LAMA1: variants seen among roughly 807,000 people sequenced by gnomAD.
The protein encoded by LAMA1 is laminin subunit alpha-1.
In LAMA1, 219 loss-of-function variants were observed where a neutral mutation model predicts 348.7. The ratio of observed to expected loss-of-function variants is 0.63; its 90% confidence interval spans 0.56 to 0.70. The LOEUF is 0.70. Among genes scored for constraint, LAMA1 ranks in the 30% least tolerant of loss-of-function variants. LAMA1 has a pLI of 0.00. For synonymous variants in LAMA1, 1,487 were observed against 1,491.0 expected, an observed-to-expected ratio of 1.00 and a Z score of 0.06; for missense variants, 3,744 against 3,888.0, an observed-to-expected ratio of 0.96 and a Z score of 0.99.
At chr18:7,078,064 C>CAAAA (rs1293065808) in intron 3 of LAMA1, among the ~76,000 whole-genome samples, 22 of 54,822 alleles carry the variant, frequency 4.0e-4, no homozygotes, top group African/African-American at 1.2e-3. Flanking sequence ...AACTCCGTCT[C>CAAAA]AAAAAAAAAA....
intron 1 of LAMA1, among the ~76,000 whole-genome samples, chr18:7,106,983 G>A (rs547305671): frequency 2.0e-5 from 3 of 151,950 alleles, no homozygotes; most frequent in East Asian, 2.0e-4. Context: ...CTCCTCCCCC[G>A]CTTTCCTCGA....
At chr18:7,110,152 G>C (rs996589612) in intron 1 of LAMA1, among the ~76,000 whole-genome samples, 1 of 151,634 alleles carries the variant, frequency 6.6e-6, no homozygotes, top group Non-Finnish European at 1.5e-5. Context: ...CTGCACTCCA[G>C]CCTGGGTGAC....
Position 6,942,798 on chromosome 18 carries a change from C to A in LAMA1, c.9067+382G>T, listed in dbSNP as rs541040980. On this transcript the variant is annotated intron_variant, in intron 62 of 62. Coordinates refer to ENST00000389658, the MANE Select transcript of LAMA1 (RefSeq NM_005559.4). ...CAGGTGTTTATTATTTGCAACAATT[C>A]CTTGGAACATCTAAAATACATAATT... 2.7e-3 allele frequency among the ~76,000 whole-genome samples: 417 copies of A among 152,260 alleles called. 4 individuals carry two copies. The highest frequency in any genetic ancestry group is 9.4e-3 in the African/African-American group (391 of 41,556).
intron 36 of LAMA1, among the ~76,000 whole-genome samples, chr18:6,991,544 C>T (rs1434063925): frequency 6.6e-6 from 1 of 152,020 alleles, no homozygotes; most frequent in Non-Finnish European, 1.5e-5. Context: ...GCATCTACCA[C>T]CATGCCCAGC....
intron 53 of LAMA1, chr18:6,959,749 T>C (rs944071663): frequency 3.1e-5 from 14 of 451,350 alleles, no homozygotes; most frequent in African/African-American, 2.2e-4. Flanking sequence ...ATATTTATGG[T>C]TTATTGCTAC....
rs1451513103 is a variant in LAMA1 at position 7,049,224 on chromosome 18, C to A, written c.622G>T (p.Ala208Ser). The A allele has an allele frequency of 1.9e-6, 3 of 1,613,886 alleles. No individual in the cohort carries two copies. The African/African-American group carries it at 4.0e-5, about 22-fold the overall frequency. Residue 208 changes from alanine (A) to serine (S), a missense_variant, in exon 5 of 63, where the codon GCT becomes TCT. Ala to Ser is a moderately conservative substitution (Grantham distance 99, BLOSUM62 1). Around this residue, in one of 3 missense-constraint regions of LAMA1, gnomAD observed 1,529 missense variants for 1,689.4 expected, o/e 0.91. Transcript: ENST00000389658. ...AACAACTTGGGTGAAAGATCGTCAG[C>A]GCTTGGTCTGCCATTGATGAGTGAT... is the stretch of plus-strand genomic sequence containing the variant. ...HTSLINGRPS[A>S]DDLSPKLLEF... is the part of the protein sequence containing the mutation.
chr18:7,034,433 T>C, intron 14 of LAMA1, 46 bp downstream of exon 14: 1 of 1,368,794 alleles, frequency 7.3e-7, no homozygotes. Context: ...AAACATAAAA[T>C]GGAAGTACCT....
At position 6,956,437 on chromosome 18, in the gene LAMA1, G is replaced by A; in HGVS notation, c.8094+199C>T. The A allele has an allele frequency of 3.7e-6, 3 of 803,720 alleles. No individual in the cohort carries two copies. In the South Asian group the frequency reaches 4.2e-5, roughly 11 times the overall value. The allele number at this position is 803,720 out of a possible 1,614,324, so 49.8% of individuals were successfully genotyped here. On this transcript the variant is annotated intron_variant, in intron 56 of 62. Coordinates refer to ENST00000389658, the MANE Select transcript of LAMA1 (RefSeq NM_005559.4). The stretch of plus-strand genomic sequence containing the variant: ...TGGGTGTTGGGGCCTACAATCTATG[G>A]ATTGGGCCGTGTCATCTGAGTTGCT...
intron 3 of LAMA1, among the ~76,000 whole-genome samples, chr18:7,070,216 A>G (rs1325422952): frequency 6.6e-6 from 1 of 152,186 alleles, no homozygotes; most frequent in South Asian, 2.1e-4. Flanking sequence ...AGAAACCTTA[A>G]TATTTGAAAT....
intron 27 of LAMA1, 117 bp downstream of exon 27, chr18:7,009,122 G>T: frequency 8.8e-7 from 1 of 1,142,574 alleles, no homozygotes; most frequent in Non-Finnish European, 1.3e-6. Context: ...TTTTGGTAAG[G>T]AACTGAACTA....
chr18:7,028,746 T>C (rs584281), intron 16 of LAMA1, among the ~76,000 whole-genome samples: 212 of 152,324 alleles, frequency 1.4e-3, no homozygotes, highest in African/African-American at 4.9e-3. Flanking sequence ...TAAAAGAAAG[T>C]GCAGTCGGTG....
Position 6,975,108 on chromosome 18 carries a change from G to A in LAMA1, c.6490-72C>T, listed in dbSNP as rs549658. On this transcript the variant is annotated intron_variant, in intron 45 of 62. Coordinates refer to ENST00000389658, the MANE Select transcript of LAMA1 (RefSeq NM_005559.4). The stretch of plus-strand genomic sequence containing the variant: ...TTGCTGACCACCACAACACTTTACA[G>A]AGTCAATTCTTACGGGGTTTTCTCT... The A allele has an allele frequency of 2.1e-3, 3,178 of 1,518,390 alleles. 68 individuals carry two copies. The African/African-American group carries it at 0.038, about 18-fold the overall frequency. The allele number at this position is 1,518,390 out of a possible 1,614,324, so 94.1% of individuals were successfully genotyped here.
At chr18:7,112,722 C>T (rs1472410096) in intron 1 of LAMA1, among the ~76,000 whole-genome samples, 5 of 151,202 alleles carry the variant, frequency 3.3e-5, no homozygotes, top group East Asian at 3.9e-4. Context: ...CCACAACTTC[C>T]GCCTCCAGGG....
intron 58 of LAMA1, among the ~76,000 whole-genome samples, chr18:6,950,118 C>A (rs1040622609): frequency 2.0e-5 from 3 of 152,122 alleles, no homozygotes; most frequent in African/African-American, 7.2e-5. Flanking sequence ...AGAGCAGTAA[C>A]CCCTACCCAG....
At position 7,023,391 on chromosome 18, in the gene LAMA1, A is replaced by G. The variant is rs113838739; in HGVS notation, c.2490-16T>C. 3,645 of 1,609,704 alleles carry G rather than the reference A, an allele frequency of 2.3e-3. 71 individuals are homozygous for G. The African/African-American group carries it at 0.04, about 18-fold the overall frequency. On this transcript the variant is annotated splice_polypyrimidine_tract_variant and intron_variant, in intron 18 of 62. Transcript: ENST00000389658. ...ATCTGCACATCTGTATCAAAGATTG[A>G]AAGTGGGATCAGACAAATGCAGTTA...
intron 1 of LAMA1, among the ~76,000 whole-genome samples, chr18:7,116,414 T>C (rs2058356641): frequency 6.6e-6 from 1 of 152,214 alleles, no homozygotes; most frequent in South Asian, 2.1e-4. Flanking sequence ...CTTCCCAGCC[T>C]GGCTCTGCGC....
chr18:7,006,990 GT>G (rs2057835037), intron 29 of LAMA1, 148 bp downstream of exon 29: 9 of 1,213,764 alleles, frequency 7.4e-6, no homozygotes, highest in Non-Finnish European at 1.0e-5. Context: ...AAGCTATGCC[GT>G]CCTCAAGGAA....
At chr18:6,948,629 C>A in intron 59 of LAMA1, 73 bp from the exon 60 acceptor site, 1 of 1,547,128 alleles carries the variant, frequency 6.5e-7, no homozygotes, top group Middle Eastern at 1.7e-4. Flanking sequence ...TTTCCTTCCA[C>A]TTCATCAGAC....
intron 1 of LAMA1, among the ~76,000 whole-genome samples, chr18:7,110,971 A>C (rs1033952885): frequency 7.1e-5 from 10 of 140,666 alleles, no homozygotes; most frequent in African/African-American, 3.1e-4. Context: ...TGCTATTGTC[A>C]TAGAGAATCT....
Sources: allele counts gnomAD v4.1 joint callset (sites outside exome capture counted in the v4.1 genomes callset), GRCh38; gene constraint gnomAD v4.1.1; regional missense constraint gnomAD v4.1.1; transcripts MANE v1.5; gene names NCBI Gene and HGNC (gene_info 2026-07-23, HGNC 2026-07-21).